Variants in ETV7 observed in about 807,000 individuals in gnomAD.
The protein encoded by ETV7 is transcription factor ETV7.
In ETV7, 43 loss-of-function variants were observed where a neutral mutation model predicts 39.1. The observed-to-expected ratio is 1.10, with a 90% confidence interval of 0.86 to 1.42. ETV7 has a LOEUF of 1.42. ETV7 is among the 40% of genes most tolerant of loss of function. The pLI, the probability that ETV7 is intolerant of heterozygous loss-of-function variation, is 0.00. For synonymous variants in ETV7, 196 were observed against 176.6 expected (o/e 1.11, Z -0.87); for missense variants, 432 against 442.3 (o/e 0.98, Z 0.21).
intron 4 of ETV7, among the ~76,000 whole-genome samples, 198 bp downstream of exon 4, chr6:36,373,255 G>C (rs1378893377): frequency 6.6e-6 from 1 of 151,654 alleles, no homozygotes. Context: ...GCAGAGAATG[G>C]GGAGGTGGGA....
chr6:36,381,115 A>C (rs1773629631), intron 2 of ETV7, among the ~76,000 whole-genome samples: 1 of 152,202 alleles, frequency 6.6e-6, no homozygotes, highest in African/African-American at 2.4e-5. Context: ...AGCCTTTAGC[A>C]ACCAAATCAG....
chr6:36,380,723 T>G (rs985270264), intron 2 of ETV7, among the ~76,000 whole-genome samples: 5 of 151,744 alleles, frequency 3.3e-5, no homozygotes, highest in Non-Finnish European at 7.4e-5. Context: ...TTTGCCTGTC[T>G]CAGTCACTGT....
Position 36,371,371 on chromosome 6 carries a change from A to T in ETV7, c.623T>A (p.Phe208Tyr). ...LGCRTQGVCSFPAMPQAPIDG... is the reference protein window; with the variant it reads ...LGCRTQGVCSYPAMPQAPIDG... ...AATGGGGGCCTGCGGCATCGCGGGG[A>T]AGGAACAGACCCCCTGGGTCCTGCA... is the stretch of plus-strand genomic sequence containing the variant. The change falls in exon 5 of 8, where the codon TTC becomes TAC. Residue 208 changes from phenylalanine to tyrosine, a missense_variant. Physicochemically the swap from Phe to Tyr is conservative, Grantham distance 22 (BLOSUM62 3). Coordinates refer to ENST00000340181, the MANE Select transcript of ETV7 (RefSeq NM_016135.4). The T allele has an allele frequency of 6.2e-7, 1 of 1,601,056 alleles. No homozygotes were observed. The highest frequency in any genetic ancestry group is 8.5e-7 in the Non-Finnish European group (1 of 1,172,994).
At position 36,366,683 on chromosome 6, in the gene ETV7, T is replaced by C. The variant is rs763895521; in HGVS notation, c.988A>G (p.Ile330Val). ...TCTGGCCTCTTGTCCTTGAACTCTA[T>C]TCTGTCCTGCTCCTGGCTCTCCAGC... ...EPLESQEQDRIEFKDKRPEIS... is the reference protein window; with the variant it reads ...EPLESQEQDRVEFKDKRPEIS... Residue 330 changes from isoleucine (I) to valine (V), a missense_variant, in exon 8 of 8, where the codon ATA becomes GTA. Coordinates refer to ENST00000340181, the MANE Select transcript of ETV7 (RefSeq NM_016135.4). 60 of 1,614,018 alleles carry C rather than the reference T, an allele frequency of 3.7e-5. No individual in the cohort carries two copies. Among genetic ancestry groups the C allele is most frequent in the Admixed American group, 2.5e-4 (15 of 59,994 alleles).
At chr6:36,387,405 G>C (rs138532031) in intron 1 of ETV7, 131 bp downstream of exon 1, 2 of 1,293,286 alleles carry the variant, frequency 1.5e-6, no homozygotes, top group Non-Finnish European at 2.2e-6. Context: ...GTTTAGGAAT[G>C]TGTTGGAAAG....
chr6:36,356,444 CTCCG>C (rs2127379655), intron 7 of ETV7, among the ~76,000 whole-genome samples: 1 of 152,164 alleles, frequency 6.6e-6, no homozygotes, highest in East Asian at 1.9e-4. Flanking sequence ...ATCATGACAG[CTCCG>C]AGAGCCCCAA....
downstream of ETV7, among the ~76,000 whole-genome samples, chr6:36,365,263 T>C (rs2127385006): frequency 6.6e-6 from 1 of 152,326 alleles, no homozygotes; most frequent in Middle Eastern, 3.4e-3. Context: ...AATCAGTACT[T>C]GGGGCTAGGG....
At chr6:36,371,210 C>T in intron 5 of ETV7, 120 bp downstream of exon 5, 2 of 1,005,918 alleles carry the variant, frequency 2.0e-6, no homozygotes, top group Non-Finnish European at 3.0e-6. Context: ...CGCTACCCTG[C>T]AATCCCCCAG....
downstream of ETV7, among the ~76,000 whole-genome samples, chr6:36,363,198 G>T (rs778397012): frequency 2.0e-5 from 3 of 152,258 alleles, no homozygotes; most frequent in Non-Finnish European, 4.4e-5. Context: ...GGACCCTCGC[G>T]GTGAGTCTTA....
chr6:36,366,649 G>T lies in ETV7; in HGVS notation c.1022C>A (p.Pro341Gln), dbSNP rs145392208. Residue 341 changes from proline (P) to glutamine (Q), a missense_variant, in exon 8 of 8, where the codon CCG becomes CAG. By Grantham distance (76) the Pro-to-Gln change is moderately conservative (BLOSUM62 -1). Transcript: ENST00000340181. ...TGCCTGGAGTCCACCTGCCCCTCAC[G>T]GAGAGATTTCTGGCCTCTTGTCCTT... Reference protein sequence around the residue: ...EFKDKRPEISP With the variant: ...EFKDKRPEISQ 79 of 1,614,114 alleles carry T rather than the reference G, an allele frequency of 4.9e-5. No homozygotes were observed. The African/African-American group carries it at 8.9e-4, about 18-fold the overall frequency.
intron 4 of ETV7, 122 bp from the exon 5 acceptor site, chr6:36,371,682 G>T: frequency 1.1e-6 from 1 of 905,274 alleles, no homozygotes; most frequent in Non-Finnish European, 1.7e-6. Context: ...TCTCCAACCA[G>T]CCCCTGGTTA....
chr6:36,376,246 A>T (rs1253127171), intron 2 of ETV7, among the ~76,000 whole-genome samples: 1 of 145,658 alleles, frequency 6.9e-6, no homozygotes, highest in African/African-American at 2.8e-5. Context: ...CGTGTTTGTC[A>T]TTATGTATGT....
intron 3 of ETV7, 47 bp downstream of exon 3, chr6:36,375,824 G>A (rs1773299068): frequency 1.2e-6 from 2 of 1,612,384 alleles, no homozygotes; most frequent in Non-Finnish European, 1.7e-6. Flanking sequence ...GGCCATCCTG[G>A]CCTACCAGGG....
intron 5 of ETV7, among the ~76,000 whole-genome samples, chr6:36,369,317 G>A (rs1447221439): frequency 2.0e-5 from 3 of 152,204 alleles, no homozygotes; most frequent in African/African-American, 7.2e-5. Context: ...GGGCTCAGAG[G>A]TGCAGAGGTA....
In ETV7 at chr6:36,368,819, A is replaced by C. The variant is rs1413680013; in HGVS notation, c.807+110T>G. 1.7e-5 allele frequency: 24 copies of C among 1,427,800 alleles called. No individual in the cohort carries two copies. In the African/African-American group the frequency reaches 1.8e-4, roughly 11 times the overall value. The allele number at this position is 1,427,800 out of a possible 1,614,324, so 88.4% of individuals were successfully genotyped here. ...TATCCTGTCACTTTTGGGGCTGCTGATGAAGGCCCCATCAGCTGAGGATTG... is the reference window on the plus strand; with the variant it reads ...TATCCTGTCACTTTTGGGGCTGCTGCTGAAGGCCCCATCAGCTGAGGATTG... On this transcript the variant is annotated intron_variant, in intron 6 of 7. Coordinates refer to ENST00000340181, the MANE Select transcript of ETV7 (RefSeq NM_016135.4).
chr6:36,376,163 C>A (rs1582205188), intron 2 of ETV7, 128 bp from the exon 3 acceptor site: 1 of 750,536 alleles, frequency 1.3e-6, no homozygotes, highest in Non-Finnish European at 2.1e-6. Context: ...TCTGTCGCTG[C>A]CACCTGTTTC....
At chr6:36,362,934 C>A (rs1301129685), downstream of ETV7, among the ~76,000 whole-genome samples, 2 of 152,238 alleles carry the variant, frequency 1.3e-5, no homozygotes, top group African/African-American at 2.4e-5. Context: ...CCTCCTGCTT[C>A]ATCTTGGACC....
At chr6:36,386,044 T>A (rs755143745) in intron 1 of ETV7, among the ~76,000 whole-genome samples, 4 of 152,084 alleles carry the variant, frequency 2.6e-5, no homozygotes, top group Non-Finnish European at 5.9e-5. Context: ...AATAAACAAA[T>A]AGACCAGGTG....
downstream of ETV7, among the ~76,000 whole-genome samples, chr6:36,364,471 C>T (rs528728804): frequency 4.6e-5 from 7 of 152,378 alleles, no homozygotes; most frequent in East Asian, 5.8e-4. Flanking sequence ...GCCGCTGGCC[C>T]GGGTGCTAAG....
Sources: gnomAD v4.1 joint callset for allele counts (sites outside exome capture counted in the v4.1 genomes callset) on GRCh38, gnomAD v4.1.1 for gene constraint, MANE v1.5 for transcripts, NCBI Gene and HGNC (gene_info 2026-07-23, HGNC 2026-07-21) for gene names.